The following KHDRBS2 variants were observed in gnomAD, a reference collection of about 807,000 sequenced individuals.
KHDRBS2 encodes the protein KH RNA binding domain containing, signal transduction associated 2.
KHDRBS2 carries 26 observed loss-of-function variants against 44.3 expected under a neutral mutation model. The observed-to-expected ratio is 0.59, with a 90% CI of 0.43 to 0.81. The LOEUF is 0.81. Among genes scored for constraint, KHDRBS2 ranks in the 40% least tolerant of loss-of-function variants. The pLI is 0.00. For synonymous variants in KHDRBS2, 194 were observed against 151.1 expected, an observed-to-expected ratio of 1.28 and a Z score of -2.08; for missense variants, 476 against 433.1, an observed-to-expected ratio of 1.10 and a Z score of -0.88.
At chr6:61,640,192 A>C in the KHDRBS2 span, among the ~76,000 whole-genome samples, 220 of 152,148 alleles carry the variant, frequency 1.4e-3, 3 homozygotes, top group Non-Finnish European at 4.9e-4. Flanking sequence ...AGGAATAATA[A>C]AAAAAACTTG....
chr6:61,806,959 A>C (rs1294057081), intron 6 of KHDRBS2, among the ~76,000 whole-genome samples: 1 of 152,032 alleles, frequency 6.6e-6, no homozygotes, highest in Non-Finnish European at 1.5e-5. Context: ...CATTTTTTTT[A>C]GGATGAAAAG....
At chr6:61,867,109 T>C (rs1486623984) in intron 6 of KHDRBS2, among the ~76,000 whole-genome samples, 1 of 152,220 alleles carries the variant, frequency 6.6e-6, no homozygotes, top group Non-Finnish European at 1.5e-5. Flanking sequence ...CAATTTACTG[T>C]ATTAGTCCAT....
chr6:61,995,606 T>C (rs1236759965), intron 3 of KHDRBS2, among the ~76,000 whole-genome samples: 5 of 152,180 alleles, frequency 3.3e-5, no homozygotes, highest in African/African-American at 7.2e-5. Flanking sequence ...AAGGCAGGCA[T>C]GCAAGGGGTC....
chr6:62,199,590 T>C (rs1585170184), intron 1 of KHDRBS2, among the ~76,000 whole-genome samples: 1 of 151,956 alleles, frequency 6.6e-6, no homozygotes, highest in Non-Finnish European at 1.5e-5. Flanking sequence ...AAAGAGGATA[T>C]AAACAAATGG....
chr6:61,796,557 T>C (rs1377244791), intron 6 of KHDRBS2, among the ~76,000 whole-genome samples: 5 of 152,050 alleles, frequency 3.3e-5, no homozygotes, highest in African/African-American at 1.2e-4. Context: ...CATTAAAAAC[T>C]ATTAGTAAAT....
At position 62,065,595 on chromosome 6, in the gene KHDRBS2, G is replaced by T. The variant is rs538592187; in HGVS notation, c.220-17601C>A. The stretch of plus-strand genomic sequence containing the variant: ...GGGAATTGAACAATGAGATCACATG[G>T]ACACAGGAATGGGAATATCACACTC... On this transcript the variant is annotated intron_variant, in intron 2 of 8. Coordinates refer to ENST00000281156, the MANE Select transcript of KHDRBS2 (RefSeq NM_152688.4). Among the ~76,000 whole-genome samples the T allele has an allele frequency of 5.9e-5, 8 of 134,710 alleles. No individual in the cohort carries two copies. In the South Asian group the frequency reaches 2.0e-3, roughly 33 times the overall value. The allele number at this position is 134,710 out of a possible 152,430, so 88.4% of individuals were successfully genotyped here. A position where few individuals can be genotyped will look rare whatever the true frequency, so the allele number is the denominator to read the frequency against.
chr6:62,108,814 G>A (rs369563865), intron 2 of KHDRBS2, among the ~76,000 whole-genome samples: 2 of 152,090 alleles, frequency 1.3e-5, no homozygotes, highest in East Asian at 1.9e-4. Flanking sequence ...GATGAAATTA[G>A]AAATCATCAG....
rs369326330 is a variant in KHDRBS2 at position 61,967,932 on chromosome 6, GTATA to G, written c.483+10130_483+10133del. The stretch of plus-strand genomic sequence containing the variant: ...TATATATACACATGCATACACACAC[GTATA>G]TATATATATATATATATATATACAC... On this transcript the variant is annotated intron_variant, in intron 4 of 8. Coordinates refer to ENST00000281156, the MANE Select transcript of KHDRBS2 (RefSeq NM_152688.4). 4.3e-3 allele frequency among the ~76,000 whole-genome samples: 499 copies of G among 116,998 alleles called. 4 individuals are homozygous for G. Among genetic ancestry groups the G allele is most frequent in the Non-Finnish European group, 5.9e-3 (336 of 57,170 alleles). The allele number at this position is 116,998 out of a possible 152,430, so 76.8% of individuals were successfully genotyped here.
At chr6:61,579,509 C>A in the KHDRBS2 span, among the ~76,000 whole-genome samples, 2 of 152,030 alleles carry the variant, frequency 1.3e-5, no homozygotes, top group South Asian at 4.2e-4. Context: ...ATTGTTTACT[C>A]AGTAATGCAG....
At chr6:62,035,746 T>G (rs1053537905) in intron 3 of KHDRBS2, among the ~76,000 whole-genome samples, 1 of 152,014 alleles carries the variant, frequency 6.6e-6, no homozygotes, top group African/African-American at 2.4e-5. Context: ...TATCAAAACA[T>G]CTTATGTACC....
At chr6:62,269,213 C>T (rs898720930) in intron 1 of KHDRBS2, among the ~76,000 whole-genome samples, 17 of 152,006 alleles carry the variant, frequency 1.1e-4, no homozygotes, top group African/African-American at 3.6e-4. Context: ...AGAGAGGACA[C>T]ACATAGGACT....
the KHDRBS2 span, among the ~76,000 whole-genome samples, chr6:61,623,507 A>T: frequency 6.6e-6 from 1 of 152,220 alleles, no homozygotes; most frequent in Admixed American, 6.5e-5. Context: ...TCCATGGAGT[A>T]ATAGGCAGCC....
chr6:62,277,665 C>T (rs192443342), intron 1 of KHDRBS2, among the ~76,000 whole-genome samples: 15 of 152,062 alleles, frequency 9.9e-5, no homozygotes, highest in Non-Finnish European at 2.1e-4. Context: ...TAACAACACA[C>T]ATTCAAGGGC....
At chr6:61,811,987 C>A (rs992909320) in intron 6 of KHDRBS2, among the ~76,000 whole-genome samples, 2 of 151,974 alleles carry the variant, frequency 1.3e-5, no homozygotes, top group African/African-American at 4.8e-5. Context: ...AAATTATCTT[C>A]TTTAATTATT....
intron 6 of KHDRBS2, among the ~76,000 whole-genome samples, chr6:61,810,134 T>A (rs1349615441): frequency 6.6e-6 from 1 of 152,128 alleles, no homozygotes; most frequent in Admixed American, 6.6e-5. Context: ...TTTCTCAGTG[T>A]GACTGTGATA....
intron 2 of KHDRBS2, among the ~76,000 whole-genome samples, chr6:62,166,791 C>T (rs1818775796): frequency 6.6e-6 from 1 of 151,976 alleles, no homozygotes; most frequent in African/African-American, 2.4e-5. Context: ...TTTCTGATCT[C>T]TTAAACATCT....
intron 3 of KHDRBS2, among the ~76,000 whole-genome samples, chr6:61,986,299 G>A (rs536037007): frequency 1.3e-5 from 2 of 152,112 alleles, no homozygotes; most frequent in East Asian, 3.9e-4. Flanking sequence ...GTTAGTAAGG[G>A]GTTTGAAAAT....
chr6:61,783,483 T>C (rs1357052812), intron 6 of KHDRBS2, among the ~76,000 whole-genome samples: 1 of 152,124 alleles, frequency 6.6e-6, no homozygotes, highest in Non-Finnish European at 1.5e-5. Context: ...ACTCATTATA[T>C]ATTTACTGAA....
intron 1 of KHDRBS2, among the ~76,000 whole-genome samples, chr6:62,224,201 G>T (rs546715666): frequency 1.4e-4 from 22 of 152,254 alleles, no homozygotes; most frequent in Admixed American, 6.5e-4. Flanking sequence ...AAGAGAAAAT[G>T]AGAGAGATGC....
Sources: allele counts gnomAD v4.1 joint callset (sites outside exome capture counted in the v4.1 genomes callset), GRCh38; gene constraint gnomAD v4.1.1; transcripts MANE v1.5; gene names NCBI Gene and HGNC (gene_info 2026-07-23, HGNC 2026-07-21).